CLNK: variants seen among roughly 807,000 people sequenced by gnomAD.
CLNK encodes cytokine dependent hematopoietic cell linker.
Under a neutral mutation model 68.6 loss-of-function variants are expected in CLNK, and 74 were observed. The ratio of observed to expected loss-of-function variants is 1.08; its 90% confidence interval spans 0.89 to 1.31. The LOEUF is 1.31. CLNK is among the 50% of genes most tolerant of loss of function. The pLI, the probability that CLNK is intolerant of heterozygous loss-of-function variation, is 0.00. For missense variants in CLNK, 553 were observed against 515.3 expected, an observed-to-expected ratio of 1.07 and a Z score of -0.71; for synonymous variants, 198 against 172.2, an observed-to-expected ratio of 1.15 and a Z score of -1.17.
intron 2 of CLNK, among the ~76,000 whole-genome samples, chr4:10,650,628 C>G (rs1268996049): frequency 1.3e-5 from 2 of 152,014 alleles, no homozygotes; most frequent in African/African-American, 4.8e-5. Context: ...AATTATATGT[C>G]TAATAAATTC....
At chr4:10,640,773 G>T (rs1273205943) in intron 2 of CLNK, among the ~76,000 whole-genome samples, 2 of 152,194 alleles carry the variant, frequency 1.3e-5, no homozygotes, top group East Asian at 3.8e-4. Context: ...GCAGGCTTCT[G>T]CTTCCTTGCC....
intron 8 of CLNK, among the ~76,000 whole-genome samples, chr4:10,551,656 A>G (rs745595464): frequency 6.6e-6 from 1 of 152,172 alleles, no homozygotes; most frequent in Non-Finnish European, 1.5e-5. Flanking sequence ...CAGAAATAAA[A>G]CATAAGTATA....
At chr4:10,675,622 G>T (rs1245676851) in intron 1 of CLNK, among the ~76,000 whole-genome samples, 2 of 152,160 alleles carry the variant, frequency 1.3e-5, no homozygotes, top group Non-Finnish European at 2.9e-5. Flanking sequence ...TTAGGGTAAA[G>T]AAATTGTTTT....
intron 3 of CLNK, among the ~76,000 whole-genome samples, chr4:10,586,709 T>C (rs1213205827): frequency 6.6e-6 from 1 of 152,216 alleles, no homozygotes; most frequent in African/African-American, 2.4e-5. Context: ...AGTAGCTTTC[T>C]GGATGAGCTG....
At chr4:10,723,390 A>G in the CLNK span, among the ~76,000 whole-genome samples, 1 of 152,178 alleles carries the variant, frequency 6.6e-6, no homozygotes, top group Non-Finnish European at 1.5e-5. Flanking sequence ...GATAAAGACT[A>G]AATTCTACTT....
At chr4:10,610,486 C>A (rs1721971366) in intron 2 of CLNK, among the ~76,000 whole-genome samples, 1 of 152,000 alleles carries the variant, frequency 6.6e-6, no homozygotes, top group African/African-American at 2.4e-5. Context: ...TTTTTCCCCC[C>A]TCTTCTTTTT....
At chr4:10,709,441 A>G in the CLNK span, among the ~76,000 whole-genome samples, 33 of 152,228 alleles carry the variant, frequency 2.2e-4, no homozygotes, top group East Asian at 6.2e-3. Context: ...AAGTTAAGTC[A>G]TTTTCCTAAG....
intron 4 of CLNK, among the ~76,000 whole-genome samples, chr4:10,580,428 T>G (rs1326462202): frequency 6.6e-6 from 1 of 152,166 alleles, no homozygotes; most frequent in Non-Finnish European, 1.5e-5. Context: ...TGTAAAACAG[T>G]CTCAGGCAGG....
At chr4:10,541,597 T>C (rs1257229595) in intron 10 of CLNK, among the ~76,000 whole-genome samples, 1 of 134,242 alleles carries the variant, frequency 7.4e-6, no homozygotes, top group Non-Finnish European at 1.8e-5. Flanking sequence ...CATATATATA[T>C]GTATATATAT....
chr4:10,570,207 T>C (rs1318455155), intron 5 of CLNK, among the ~76,000 whole-genome samples: 2 of 152,182 alleles, frequency 1.3e-5, no homozygotes, highest in Admixed American at 1.3e-4. Context: ...TTGGGGGAAG[T>C]CTTGGACCTG....
intron 3 of CLNK, among the ~76,000 whole-genome samples, chr4:10,591,672 C>T (rs148082545): frequency 1.1e-4 from 16 of 152,318 alleles, no homozygotes; most frequent in African/African-American, 3.4e-4. Context: ...GTGCCTGGCA[C>T]GTAGTAGGAA....
chr4:10,687,127 A>G (rs541428684), upstream of CLNK, among the ~76,000 whole-genome samples: 8 of 151,852 alleles, frequency 5.3e-5, no homozygotes, highest in Admixed American at 2.0e-4. Context: ...TCAGACATGT[A>G]TTGATTTAAC....
chr4:10,545,641 G>C (rs1719197167), intron 8 of CLNK, among the ~76,000 whole-genome samples: 1 of 152,142 alleles, frequency 6.6e-6, no homozygotes, highest in South Asian at 2.1e-4. Context: ...CATTGCCCTG[G>C]TGGGGACTCC....
At chr4:10,673,399 A>G (rs996372333) in intron 1 of CLNK, among the ~76,000 whole-genome samples, 3 of 152,100 alleles carry the variant, frequency 2.0e-5, no homozygotes, top group African/African-American at 4.8e-5. Flanking sequence ...CAGAACTTCC[A>G]ACACTACGTT....
At chr4:10,507,768 C>A (rs1717372443) in intron 17 of CLNK, among the ~76,000 whole-genome samples, 191 bp downstream of exon 17, 1 of 152,158 alleles carries the variant, frequency 6.6e-6, no homozygotes, top group Non-Finnish European at 1.5e-5. Context: ...AGGTGTGAGC[C>A]ACTGCGCCCG....
At chr4:10,507,035 G>T (rs1416379827) in intron 17 of CLNK, among the ~76,000 whole-genome samples, 8 of 151,780 alleles carry the variant, frequency 5.3e-5, no homozygotes, top group Admixed American at 5.2e-4. Flanking sequence ...TCGATCTCCT[G>T]ACCTCGTGAG....
the CLNK span, among the ~76,000 whole-genome samples, chr4:10,726,390 A>G: frequency 6.6e-6 from 1 of 152,262 alleles, no homozygotes; most frequent in South Asian, 2.1e-4. Flanking sequence ...AAGTGCTGGG[A>G]TTATAGGCGT....
chr4:10,577,808 G>A (rs529537621), intron 4 of CLNK, among the ~76,000 whole-genome samples: 43 of 152,172 alleles, frequency 2.8e-4, no homozygotes, highest in African/African-American at 1.0e-3. Flanking sequence ...AACGTCTATC[G>A]TGTTTAAGCC....
intron 9 of CLNK, 98 bp downstream of exon 9, chr4:10,542,157 A>T: frequency 1.7e-6 from 2 of 1,210,494 alleles, no homozygotes; most frequent in Non-Finnish European, 2.4e-6. Context: ...CTTATAAGAC[A>T]TATTTTTCTA....
Sources: allele counts gnomAD v4.1 joint callset (sites outside exome capture counted in the v4.1 genomes callset), GRCh38; gene constraint gnomAD v4.1.1; transcripts MANE v1.5; gene names NCBI Gene and HGNC (gene_info 2026-07-23, HGNC 2026-07-21).